Variants in PLCE1 observed in about 807,000 individuals in gnomAD.
PLCE1 encodes the protein 1-phosphatidylinositol 4,5-bisphosphate phosphodiesterase epsilon-1.
In PLCE1, 119 loss-of-function variants were observed where a neutral mutation model predicts 242.8. The observed-to-expected ratio is 0.49, with a 90% CI of 0.42 to 0.57. The LOEUF is 0.57. Among genes scored for constraint, PLCE1 ranks in the 20% least tolerant of loss-of-function variants. The pLI is 0.00. For missense variants in PLCE1, 2,441 were observed against 2,788.8 expected, an observed-to-expected ratio of 0.88 and a Z score of 2.81; for synonymous variants, 945 against 1,017.4, an observed-to-expected ratio of 0.93 and a Z score of 1.35.
chr10:94,102,762 G>A (rs759662784), intron 2 of PLCE1, among the ~76,000 whole-genome samples: 1 of 152,168 alleles, frequency 6.6e-6, no homozygotes, highest in African/African-American at 2.4e-5. Flanking sequence ...GCCACGACGG[G>A]TCTTATGAGA....
At chr10:94,243,591 T>C (rs2050582344) in intron 7 of PLCE1, among the ~76,000 whole-genome samples, 1 of 152,218 alleles carries the variant, frequency 6.6e-6, no homozygotes, top group Non-Finnish European at 1.5e-5. Context: ...AATCTAAAAC[T>C]ATCCTAAAAT....
At chr10:94,195,746 T>C (rs944379245) in intron 4 of PLCE1, among the ~76,000 whole-genome samples, 26 of 152,206 alleles carry the variant, frequency 1.7e-4, no homozygotes, top group African/African-American at 5.5e-4. Flanking sequence ...GTTAAATAAC[T>C]CTGGATATGA....
intron 4 of PLCE1, among the ~76,000 whole-genome samples, chr10:94,192,206 A>C (rs1002013028): frequency 2.0e-5 from 3 of 152,156 alleles, no homozygotes; most frequent in Non-Finnish European, 4.4e-5. Context: ...CTTTTATTTT[A>C]AATTCAGTGG....
At chr10:94,062,582 G>GTTTTTTTTTT (rs5787099) in intron 2 of PLCE1, among the ~76,000 whole-genome samples, 2 of 142,350 alleles carry the variant, frequency 1.4e-5, no homozygotes, top group Non-Finnish European at 3.0e-5. Context: ...TCTTGGTTTT[G>GTTTTTTTTTT]TTTTTTTTTT....
At chr10:94,178,017 T>G (rs1406381289) in intron 4 of PLCE1, among the ~76,000 whole-genome samples, 1 of 152,218 alleles carries the variant, frequency 6.6e-6, no homozygotes, top group East Asian at 1.9e-4. Context: ...TGTCCTTTGC[T>G]CTTGTTGTGT....
intron 4 of PLCE1, among the ~76,000 whole-genome samples, chr10:94,215,745 A>C (rs1183156428): frequency 6.6e-6 from 1 of 152,176 alleles, no homozygotes; most frequent in Admixed American, 6.5e-5. Context: ...AGGATGTAGC[A>C]TAAGAAGAGA....
At chr10:94,234,493 C>T (rs1018795074) in intron 6 of PLCE1, among the ~76,000 whole-genome samples, 181 bp downstream of exon 6, 1 of 152,148 alleles carries the variant, frequency 6.6e-6, no homozygotes, top group Admixed American at 6.5e-5. Flanking sequence ...CCAACTAGCG[C>T]TGTGTGGGAC....
intron 3 of PLCE1, among the ~76,000 whole-genome samples, chr10:94,151,669 G>A (rs1241482540): frequency 3.3e-5 from 5 of 152,142 alleles, no homozygotes; most frequent in Admixed American, 6.5e-5. Context: ...AGAGAGGGGT[G>A]TGCAAAGGAC....
intron 7 of PLCE1, among the ~76,000 whole-genome samples, chr10:94,236,859 T>C (rs1210824860): frequency 2.6e-5 from 4 of 152,094 alleles, no homozygotes; most frequent in Admixed American, 1.3e-4. Context: ...AATCTCCCTC[T>C]CTCTCTCTCT....
At chr10:94,171,565 T>G (rs936947703) in intron 4 of PLCE1, 69 bp downstream of exon 4, 2 of 1,239,108 alleles carry the variant, frequency 1.6e-6, no homozygotes, top group Non-Finnish European at 2.4e-6. Flanking sequence ...ATACCTCCCC[T>G]TCTAGGTTTG....
rs555610204 is a variant in PLCE1 at position 94,187,916 on chromosome 10, T to G, written c.1809+16420T>G. Among the ~76,000 whole-genome samples, 5 of 152,238 alleles carry G rather than the reference T, an allele frequency of 3.3e-5. No individual in the cohort carries two copies. The South Asian group carries it at 1.0e-3, about 32-fold the overall frequency. Reference sequence around the variant, plus strand: ...TAGACAAAAATCCAGCCAAGAAGTTTGTTGACATTTCCAGCCCCTACAACC... The same window carrying G: ...TAGACAAAAATCCAGCCAAGAAGTTGGTTGACATTTCCAGCCCCTACAACC... On this transcript the variant is annotated intron_variant, in intron 4 of 32. Coordinates refer to ENST00000371380, the MANE Select transcript of PLCE1 (RefSeq NM_016341.4).
intron 2 of PLCE1, among the ~76,000 whole-genome samples, chr10:94,113,761 G>A (rs1590053307): frequency 6.6e-6 from 1 of 152,292 alleles, no homozygotes; most frequent in Admixed American, 6.5e-5. Flanking sequence ...GTGGCAGTGG[G>A]CAGGGAAGCT....
rs763255266 is a variant in PLCE1, at chr10:94,283,842, G to T, written c.4848G>T (p.Gln1616His). Residue 1616 changes from glutamine (Q) to histidine (H), a missense_variant, in exon 21 of 33, where the codon CAG becomes CAT. Coordinates refer to ENST00000371380, the MANE Select transcript of PLCE1 (RefSeq NM_016341.4). ...PENKSCNDKL[Q>H]FEYNEEIPKR... ...ATAAATCATGTAATGACAAGCTTCA[G>T]TTTGAATATAATGAAGAAATCCCAA... 20 of 1,612,052 alleles carry T rather than the reference G, an allele frequency of 1.2e-5. No individual in the cohort carries two copies. The highest frequency in any genetic ancestry group is 1.2e-4 in the Admixed American group (7 of 59,922).
chr10:94,000,224 A>G (rs910993515), intron 1 of PLCE1, among the ~76,000 whole-genome samples: 5 of 152,228 alleles, frequency 3.3e-5, no homozygotes, highest in African/African-American at 1.2e-4. Flanking sequence ...TAGACTTGCC[A>G]TAGACTTGGA....
Position 94,306,370 on chromosome 10 carries a change from G to T in PLCE1, c.5623-57G>T. 6.2e-7 allele frequency: 1 copy of T among 1,613,910 alleles called. No homozygotes were observed. Among genetic ancestry groups the T allele is most frequent in the Non-Finnish European group, 8.5e-7 (1 of 1,179,872 alleles). ...CAGAGGGAAGCAGTGAGGTGCAGAG[G>T]TTGTCTTTCTTTTTTATCCTCGGTG... On this transcript the variant is annotated intron_variant, in intron 25 of 32. Coordinates refer to ENST00000371380, the MANE Select transcript of PLCE1 (RefSeq NM_016341.4). This position sits in a 1 kb window ranked among gnomAD's most constrained non-coding sequence, Gnocchi z 5.7.
chr10:94,225,087 CA>C (rs939082705), intron 4 of PLCE1: 1 of 152,258 alleles, frequency 6.6e-6, no homozygotes, highest in African/African-American at 2.4e-5. Flanking sequence ...CGTTTTGCTT[CA>C]GTCTGTTTCA....
At chr10:94,260,217 C>G (rs1044664196) in intron 13 of PLCE1, among the ~76,000 whole-genome samples, 1 of 152,150 alleles carries the variant, frequency 6.6e-6, no homozygotes, top group South Asian at 2.1e-4. Context: ...GTCTCCTGCC[C>G]TTTGACAAGG....
intron 23 of PLCE1, among the ~76,000 whole-genome samples, chr10:94,294,763 G>A (rs991973283): frequency 6.6e-6 from 1 of 152,092 alleles, no homozygotes; most frequent in East Asian, 1.9e-4. Context: ...GATTCATCAG[G>A]GGGGTGGTTG....
intron 1 of PLCE1, among the ~76,000 whole-genome samples, chr10:94,000,396 A>G (rs575833106): frequency 6.6e-6 from 1 of 152,334 alleles, no homozygotes; most frequent in African/African-American, 2.4e-5. Flanking sequence ...CCTCATCTAC[A>G]TTATAGAGGG....
Sources: allele counts gnomAD v4.1 joint callset (sites outside exome capture counted in the v4.1 genomes callset), GRCh38; gene constraint gnomAD v4.1.1; non-coding constraint Gnocchi (gnomAD v3.1); transcripts MANE v1.5; gene names NCBI Gene and HGNC (gene_info 2026-07-23, HGNC 2026-07-21).